The following CDYL variants were observed in gnomAD, a reference collection of about 807,000 sequenced individuals.
The protein encoded by CDYL is chromodomain Y like, also known as chromodomain Y-like protein.
Under a neutral mutation model 47.3 loss-of-function variants are expected in CDYL, and 8 were observed. The ratio of observed to expected loss-of-function variants is 0.17; its 90% CI spans 0.10 to 0.31. The LOEUF is 0.31. Ranked by LOEUF, CDYL falls within the 10% of genes least tolerant of loss-of-function variation. CDYL has a pLI of 1.00. For synonymous variants in CDYL, 266 were observed against 265.0 expected, an observed-to-expected ratio of 1.00 and a Z score of -0.04; for missense variants, 471 against 701.4, an observed-to-expected ratio of 0.67 and a Z score of 3.71.
At chr6:4,943,941 C>T in intron 5 of CDYL, 185 bp downstream of exon 5, 5 of 503,224 alleles carry the variant, frequency 9.9e-6, no homozygotes, top group Non-Finnish European at 1.7e-5. Flanking sequence ...TAGAGAAGGA[C>T]TTCATTCACT....
At chr6:4,930,128 T>A (rs1381096507) in intron 2 of CDYL, among the ~76,000 whole-genome samples, 7 of 152,218 alleles carry the variant, frequency 4.6e-5, no homozygotes, top group Admixed American at 3.9e-4. Context: ...CCTCATGTAT[T>A]TGATGAAATC....
chr6:4,880,403 G>A (rs1254675234), intron 1 of CDYL, among the ~76,000 whole-genome samples: 2 of 152,148 alleles, frequency 1.3e-5, no homozygotes, highest in Non-Finnish European at 2.9e-5. Flanking sequence ...TTGTCTGGGT[G>A]TACCACAATA....
At chr6:4,833,310 C>T in intron 1 of CDYL, among the ~76,000 whole-genome samples, 4 of 149,584 alleles carry the variant, frequency 2.7e-5, no homozygotes, top group Non-Finnish European at 5.9e-5. Context: ...ATCTTTATTT[C>T]TGCCTTCATT....
At chr6:4,732,393 C>T (rs990752904) in intron 2 of CDYL, among the ~76,000 whole-genome samples, 2 of 151,902 alleles carry the variant, frequency 1.3e-5, no homozygotes, top group Admixed American at 1.3e-4. Flanking sequence ...GCGGCTTATG[C>T]CTGTAATCCC....
At position 4,952,373 on chromosome 6, in the gene CDYL, G is replaced by A; in HGVS notation, c.1440G>A (p.Met480Ile). The A allele has an allele frequency of 6.2e-7, 1 of 1,614,194 alleles. No individual in the cohort carries two copies. Residue 480 changes from methionine (M) to isoleucine (I), a missense_variant, in exon 6 of 7, where the codon ATG becomes ATA. This residue lies in a region of CDYL where 103 missense variants were observed against 277.1 expected (regional missense o/e 0.37). Coordinates refer to ENST00000397588, the MANE Select transcript of CDYL (RefSeq NM_004824.4). ...FWPGTFTQEV[M>I]VRIKELASCN... ...CCGGGACGTTCACTCAGGAAGTGAT[G>A]GTTCGCATTAAGGAGCTTGCCTCGT... is the stretch of plus-strand genomic sequence containing the variant.
chr6:4,904,783 G>T (rs1757176714), intron 2 of CDYL, among the ~76,000 whole-genome samples: 1 of 152,180 alleles, frequency 6.6e-6, no homozygotes, highest in South Asian at 2.1e-4. Flanking sequence ...GAGAAAAGCT[G>T]TAAACGGCTT....
chr6:4,935,847 G>T, intron 3 of CDYL, 76 bp downstream of exon 3: 1 of 1,585,302 alleles, frequency 6.3e-7, no homozygotes. Context: ...GGCTGAACTG[G>T]CTCTTCCTGT....
At chr6:4,721,513 A>G (rs536532909) in intron 2 of CDYL, among the ~76,000 whole-genome samples, 1 of 152,170 alleles carries the variant, frequency 6.6e-6, no homozygotes, top group South Asian at 2.1e-4. Context: ...CCTCCCTAGT[A>G]GCTGGGATTA....
Position 4,776,738 on chromosome 6 carries a change from G to GGCCCCCCCCC in CDYL, c.-46_-45insGCCCCCCCCC. On this transcript the variant is annotated 5_prime_UTR_variant, in exon 1 of 7. Coordinates refer to ENST00000397588, the MANE Select transcript of CDYL (RefSeq NM_004824.4). ...AAAGTGTCGGCCGCCCGGCGCCGGCGCCCGCCCCGACCCTGCCCCTCCCGC... is the reference window on the plus strand; with the variant it reads ...AAAGTGTCGGCCGCCCGGCGCCGGCGGCCCCCCCCCCCCGCCCCGACCCTGCCCCTCCCGC... 17 of 1,250,214 alleles carry GGCCCCCCCCC rather than the reference G, an allele frequency of 1.4e-5. No individual in the cohort carries two copies. The highest frequency in any genetic ancestry group is 1.7e-5 in the Non-Finnish European group (16 of 969,208). The allele number at this position is 1,250,214 out of a possible 1,614,324, so 77.4% of individuals were successfully genotyped here.
intron 3 of CDYL, among the ~76,000 whole-genome samples, chr6:4,761,406 C>G (rs951946129): frequency 2.6e-5 from 4 of 152,150 alleles, no homozygotes; most frequent in African/African-American, 9.7e-5. Context: ...TGCAATGGCA[C>G]AATCTCGGCT....
rs139687828 is a variant in CDYL, at chr6:4,938,883, C to T, written c.1121+1146C>T. Reference sequence around the variant, plus strand: ...CCACTTAATTCGTCTAAAATCATATCCCCTCATTTATCATGCTAATCACTC... The same window carrying T: ...CCACTTAATTCGTCTAAAATCATATTCCCTCATTTATCATGCTAATCACTC... On this transcript the variant is annotated intron_variant, in intron 4 of 6. Transcript: ENST00000397588. 1.0e-3 allele frequency among the ~76,000 whole-genome samples: 157 copies of T among 152,232 alleles called. No individual in the cohort carries two copies. In the Middle Eastern group the frequency reaches 0.014, roughly 13 times the overall value.
chr6:4,899,409 G>A (rs1756947008), intron 2 of CDYL, among the ~76,000 whole-genome samples: 1 of 152,188 alleles, frequency 6.6e-6, no homozygotes, highest in South Asian at 2.1e-4. Context: ...AGGTTTGAGG[G>A]CTCATATACC....
intron 1 of CDYL, among the ~76,000 whole-genome samples, chr6:4,866,325 G>A (rs1024648769): frequency 1.3e-5 from 2 of 152,054 alleles, no homozygotes; most frequent in Non-Finnish European, 2.9e-5. Flanking sequence ...ACAGTTAAGA[G>A]GATACAAGTG....
intron 1 of CDYL, among the ~76,000 whole-genome samples, chr6:4,877,765 C>T (rs1761659343): frequency 6.6e-6 from 1 of 152,140 alleles, no homozygotes; most frequent in African/African-American, 2.4e-5. Context: ...GTTGTAGGAG[C>T]CCTACTTAGT....
chr6:4,737,471 G>A (rs998605651), intron 3 of CDYL, among the ~76,000 whole-genome samples: 1 of 151,864 alleles, frequency 6.6e-6, no homozygotes, highest in Non-Finnish European at 1.5e-5. Context: ...TGGCCAACAT[G>A]GTGAAACCCC....
chr6:4,725,794 T>C (rs1003069927), intron 2 of CDYL, among the ~76,000 whole-genome samples: 1 of 152,116 alleles, frequency 6.6e-6, no homozygotes, highest in Non-Finnish European at 1.5e-5. Context: ...GTGGCCAGAG[T>C]GGGCGCCAAG....
In CDYL at chr6:4,776,736, G is replaced by GCGCCCGCCCCGACCCTGCCCCTCC; in HGVS notation, c.-40_-17dup. 2 of 1,272,384 alleles carry GCGCCCGCCCCGACCCTGCCCCTCC rather than the reference G, an allele frequency of 1.6e-6. No individual in the cohort carries two copies. Among genetic ancestry groups the GCGCCCGCCCCGACCCTGCCCCTCC allele is most frequent in the Non-Finnish European group, 1.0e-6 (1 of 986,656 alleles). The allele number at this position is 1,272,384 out of a possible 1,614,324, so 78.8% of individuals were successfully genotyped here. A position where few individuals can be genotyped will look rare whatever the true frequency, so the allele number is the denominator to read the frequency against. On this transcript the variant is annotated 5_prime_UTR_variant, in exon 1 of 7. Transcript: ENST00000397588. ...ACAAAGTGTCGGCCGCCCGGCGCCG[G>GCGCCCGCCCCGACCCTGCCCCTCC]CGCCCGCCCCGACCCTGCCCCTCCC...
At chr6:4,799,601 A>G (rs1759170104) in intron 1 of CDYL, among the ~76,000 whole-genome samples, 1 of 152,092 alleles carries the variant, frequency 6.6e-6, no homozygotes, top group African/African-American at 2.4e-5. Flanking sequence ...GTGTGCCACC[A>G]CACCCAGCTA....
intron 1 of CDYL, among the ~76,000 whole-genome samples, chr6:4,831,796 T>C (rs1760152618): frequency 6.6e-6 from 1 of 152,228 alleles, no homozygotes; most frequent in African/African-American, 2.4e-5. Flanking sequence ...TTCACGTCCG[T>C]TGTAAGGTGG....
Sources: gnomAD v4.1 joint callset for allele counts (sites outside exome capture counted in the v4.1 genomes callset) on GRCh38, gnomAD v4.1.1 for gene constraint, gnomAD v4.1.1 regional missense constraint, MANE v1.5 for transcripts, NCBI Gene and HGNC (gene_info 2026-07-23, HGNC 2026-07-21) for gene names.